Variants in SP140 observed in about 807,000 individuals in gnomAD.
SP140 encodes nuclear body protein SP140.
Under a neutral mutation model 125.0 loss-of-function variants are expected in SP140, and 81 were observed. That is an observed-to-expected ratio of 0.65 (90% confidence interval 0.54 to 0.78). SP140 has a LOEUF of 0.78. Among genes scored for constraint, SP140 ranks in the 30% least tolerant of loss-of-function variants. SP140 has a pLI of 0.00. For synonymous variants in SP140, 312 were observed against 354.0 expected, an observed-to-expected ratio of 0.88 and a Z score of 1.33; for missense variants, 858 against 1,037.0, an observed-to-expected ratio of 0.83 and a Z score of 2.37.
At chr2:230,290,270 G>A (rs1023882752) in intron 18 of SP140, among the ~76,000 whole-genome samples, 190 bp from the exon 19 acceptor site, 35 of 152,288 alleles carry the variant, frequency 2.3e-4, no homozygotes, top group Middle Eastern at 3.4e-3. Flanking sequence ...AAATTTGAAA[G>A]GTGAAATTGG....
intron 3 of SP140, chr2:230,219,633 G>A (rs2045612232): frequency 2.0e-5 from 3 of 152,246 alleles, no homozygotes; most frequent in Admixed American, 1.3e-4. Context: ...GGTGAGGGTA[G>A]AGGGCAAATC....
chr2:230,216,728 T>C (rs2045222879), intron 3 of SP140: 1 of 1,605,286 alleles, frequency 6.2e-7, no homozygotes, highest in South Asian at 1.1e-5. Flanking sequence ...ACTTTAATAA[T>C]CAGGCATATT....
intron 3 of SP140, chr2:230,214,814 A>G (rs2044923073): frequency 1.2e-5 from 9 of 739,762 alleles, no homozygotes; most frequent in South Asian, 4.5e-5. Context: ...AGCTGTACCA[A>G]TGAGAGAATA....
chr2:230,239,177 A>C, intron 3 of SP140: 1 of 559,830 alleles, frequency 1.8e-6, no homozygotes, highest in South Asian at 3.6e-5. Context: ...TGATACATCC[A>C]AGTCAGAGAA....
intron 6 of SP140, among the ~76,000 whole-genome samples, chr2:230,245,585 G>C (rs1248166052): frequency 6.6e-6 from 1 of 152,206 alleles, no homozygotes; most frequent in Non-Finnish European, 1.5e-5. Context: ...AAGTCAGGGA[G>C]AGGAAGTCAA....
intron 17 of SP140, among the ~76,000 whole-genome samples, chr2:230,287,572 AAT>A (rs991385142): frequency 1.3e-5 from 2 of 152,166 alleles, no homozygotes; most frequent in African/African-American, 4.8e-5. Context: ...ATATATTTCA[AAT>A]ATATATGTTT....
chr2:230,200,608 T>G (rs1195674213), upstream of SP140: 1 of 492,018 alleles, frequency 2.0e-6, no homozygotes, highest in Non-Finnish European at 3.7e-6. Flanking sequence ...GTGATATTGC[T>G]GCCAGTAGTG....
At chr2:230,290,261 A>G (rs1473724995) in intron 18 of SP140, among the ~76,000 whole-genome samples, 199 bp from the exon 19 acceptor site, 1 of 152,194 alleles carries the variant, frequency 6.6e-6, no homozygotes, top group Non-Finnish European at 1.5e-5. Flanking sequence ...TTTTGTATGA[A>G]ATTTGAAAGG....
At chr2:230,248,188 T>A in intron 8 of SP140, 123 bp downstream of exon 8, 1 of 860,582 alleles carries the variant, frequency 1.2e-6, no homozygotes, top group South Asian at 1.8e-5. Context: ...GCACAAGAGC[T>A]TCTTTTACCC....
rs143577819 is a variant in SP140 at position 230,260,369 on chromosome 2, A to G, written c.1240+4837A>G. 5.7e-3 allele frequency among the ~76,000 whole-genome samples: 869 copies of G among 152,266 alleles called. 4 individuals carry two copies. Among genetic ancestry groups the G allele is most frequent in the Non-Finnish European group, 0.01 (693 of 68,028 alleles). Reference sequence around the variant, plus strand: ...CTTTTGTCAGATGTATAGATTGTGAAGATTTTCTCCCACTCTGTGGGTTGT... The same window carrying G: ...CTTTTGTCAGATGTATAGATTGTGAGGATTTTCTCCCACTCTGTGGGTTGT... On this transcript the variant is annotated intron_variant, in intron 12 of 26. Transcript: ENST00000392045.
chr2:230,300,398 C>G (rs2058176658), intron 22 of SP140, among the ~76,000 whole-genome samples: 2 of 152,194 alleles, frequency 1.3e-5, no homozygotes, highest in African/African-American at 2.4e-5. Context: ...ACAGAATCCA[C>G]TTCACTCCCC....
chr2:230,280,168 C>T (rs2055332962), intron 15 of SP140, among the ~76,000 whole-genome samples: 1 of 152,012 alleles, frequency 6.6e-6, no homozygotes, highest in African/African-American at 2.4e-5. Context: ...TTGCCAATTC[C>T]TCTTTATCTT....
intron 22 of SP140, among the ~76,000 whole-genome samples, chr2:230,303,130 G>C (rs985628390): frequency 3.9e-5 from 6 of 152,108 alleles, no homozygotes; most frequent in Non-Finnish European, 7.4e-5. Context: ...CTGGTTATTT[G>C]AAAAGATAAA....
intron 22 of SP140, among the ~76,000 whole-genome samples, chr2:230,301,565 T>C (rs2058286912): frequency 6.6e-6 from 1 of 152,146 alleles, no homozygotes; most frequent in African/African-American, 2.4e-5. Flanking sequence ...AGATAAAGTC[T>C]TTTTCAGACA....
chr2:230,218,594 G>A (rs1004689247), intron 3 of SP140, among the ~76,000 whole-genome samples: 1 of 152,126 alleles, frequency 6.6e-6, no homozygotes, highest in East Asian at 1.9e-4. Context: ...ATACAGCAGC[G>A]CTCAGAACAG....
chr2:230,212,631 T>C, intron 1 of SP140: 1 of 1,261,402 alleles, frequency 7.9e-7, no homozygotes, highest in Non-Finnish European at 1.2e-6. Flanking sequence ...TTGAAAAGGG[T>C]TGTGTTTGGG....
chr2:230,271,765 G>C (rs1007884471), intron 15 of SP140, among the ~76,000 whole-genome samples: 1 of 152,124 alleles, frequency 6.6e-6, no homozygotes, highest in Non-Finnish European at 1.5e-5. Flanking sequence ...AGCCTATCCA[G>C]GTCAAAAAAC....
In SP140 at chr2:230,312,569, C is replaced by T. The variant is rs370512437; in HGVS notation, c.2506-17C>T. On this transcript the variant is annotated splice_polypyrimidine_tract_variant and intron_variant, in intron 26 of 26. Coordinates refer to ENST00000392045, the MANE Select transcript of SP140 (RefSeq NM_007237.5). Reference sequence around the variant, plus strand: ...TAATGATGAGGAGCATTGTTTTTGTCTTTATTATTTTTTCAGTACAAGGAT... The same window carrying T: ...TAATGATGAGGAGCATTGTTTTTGTTTTTATTATTTTTTCAGTACAAGGAT... The T allele has an allele frequency of 1.4e-4, 218 of 1,541,446 alleles. No individual in the cohort carries two copies. The Middle Eastern group carries it at 1.7e-3, about 12-fold the overall frequency.
chr2:230,236,767 A>T (rs1201407511), intron 1 of SP140, among the ~76,000 whole-genome samples: 1 of 152,194 alleles, frequency 6.6e-6, no homozygotes, highest in Non-Finnish European at 1.5e-5. Flanking sequence ...CAATTCCTAT[A>T]AAGATTTTGA....
Sources: allele counts gnomAD v4.1 joint callset (sites outside exome capture counted in the v4.1 genomes callset), GRCh38; gene constraint gnomAD v4.1.1; transcripts MANE v1.5; gene names NCBI Gene and HGNC (gene_info 2026-07-23, HGNC 2026-07-21).